POU6F2: variants seen among roughly 807,000 people sequenced by gnomAD.
The protein encoded by POU6F2 is POU class 6 homeobox 2.
In POU6F2, 31 loss-of-function variants were observed where a neutral mutation model predicts 71.3. The observed-to-expected ratio is 0.43, with a 90% CI of 0.33 to 0.59. POU6F2 has a LOEUF of 0.59. POU6F2 is among the 20% of genes least tolerant of loss of function. The pLI is 0.04. For synonymous variants in POU6F2, 347 were observed against 355.7 expected, an observed-to-expected ratio of 0.98 and a Z score of 0.27; for missense variants, 783 against 856.8, an observed-to-expected ratio of 0.91 and a Z score of 1.07.
At chr7:39,251,361 G>A (rs538051325) in intron 4 of POU6F2, among the ~76,000 whole-genome samples, 1 of 152,166 alleles carries the variant, frequency 6.6e-6, no homozygotes, top group Non-Finnish European at 1.5e-5. Flanking sequence ...ATAGTGAGCA[G>A]TGTTCTCTGA....
At chr7:39,220,508 C>T (rs899194536) in intron 4 of POU6F2, among the ~76,000 whole-genome samples, 2 of 152,212 alleles carry the variant, frequency 1.3e-5, no homozygotes, top group Non-Finnish European at 1.5e-5. Context: ...ACCGAAAACC[C>T]GAGCACCTGG....
chr7:39,427,788 G>A (rs892076936), intron 6 of POU6F2, among the ~76,000 whole-genome samples: 4 of 152,286 alleles, frequency 2.6e-5, no homozygotes, highest in East Asian at 1.9e-4. Flanking sequence ...TCAATTTGAC[G>A]TCTGCAATCA....
chr7:39,413,006 G>A (rs910191237), intron 6 of POU6F2, among the ~76,000 whole-genome samples: 14 of 150,126 alleles, frequency 9.3e-5, no homozygotes, highest in East Asian at 5.9e-4. Flanking sequence ...GGGTTTCACC[G>A]TGTTAGCCAG....
intron 1 of POU6F2, among the ~76,000 whole-genome samples, chr7:39,028,970 G>T (rs1442145211): frequency 6.6e-6 from 1 of 151,942 alleles, no homozygotes; most frequent in Admixed American, 6.6e-5. Flanking sequence ...TGGGACTATA[G>T]GCACAAGCCA....
intron 2 of POU6F2, among the ~76,000 whole-genome samples, chr7:39,122,624 G>C (rs138220639): frequency 6.6e-6 from 1 of 151,694 alleles, no homozygotes; most frequent in African/African-American, 2.4e-5. Context: ...TAGATTGACT[G>C]CTATCTTAAC....
intron 5 of POU6F2, among the ~76,000 whole-genome samples, chr7:39,383,117 T>C (rs1245152676): frequency 6.6e-6 from 1 of 152,240 alleles, no homozygotes; most frequent in Non-Finnish European, 1.5e-5. Context: ...ATTAGCATTG[T>C]AATCTCTGGG....
At position 39,467,308 on chromosome 7, in the gene POU6F2, A is replaced by G. The variant is rs1417393393; in HGVS notation, c.*2622A>G. 6.6e-6 allele frequency: 1 copy of G among 152,230 alleles called. No individual in the cohort carries two copies. Among genetic ancestry groups the G allele is most frequent in the East Asian group, 1.9e-4 (1 of 5,200 alleles). The allele number at this position is 152,230 out of a possible 1,614,324, so 9.4% of individuals were successfully genotyped here. On this transcript the variant is annotated 3_prime_UTR_variant, in exon 10 of 10. Coordinates refer to ENST00000518318, the MANE Select transcript of POU6F2 (RefSeq NM_001370959.1). ...GGTGCCTGAACCGATTCTTAGGAATATAAATTATACTGTGTAACTCATAAG... is the reference window on the plus strand; with the variant it reads ...GGTGCCTGAACCGATTCTTAGGAATGTAAATTATACTGTGTAACTCATAAG...
At chr7:39,363,687 G>A (rs1257045543) in intron 5 of POU6F2, among the ~76,000 whole-genome samples, 1 of 149,672 alleles carries the variant, frequency 6.7e-6, no homozygotes, top group Admixed American at 6.7e-5. Flanking sequence ...GAGGAAAAGG[G>A]GGCTCCTAGA....
At chr7:38,986,765 A>G (rs547743562) in intron 1 of POU6F2, among the ~76,000 whole-genome samples, 10 of 152,288 alleles carry the variant, frequency 6.6e-5, no homozygotes, top group Admixed American at 2.0e-4. Context: ...ACTCGCCACA[A>G]ATAACCACTG....
At chr7:39,224,099 A>G (rs1246997392) in intron 4 of POU6F2, among the ~76,000 whole-genome samples, 1 of 152,196 alleles carries the variant, frequency 6.6e-6, no homozygotes, top group African/African-American at 2.4e-5. Flanking sequence ...CTAGCCACAA[A>G]TAGAATGCAG....
At chr7:39,350,869 C>T (rs1583543937) in intron 5 of POU6F2, among the ~76,000 whole-genome samples, 2 of 152,362 alleles carry the variant, frequency 1.3e-5, no homozygotes, top group East Asian at 3.9e-4. Flanking sequence ...TGAGACCACG[C>T]CTGCGCTCCT....
At chr7:38,998,542 T>C (rs1249077089) in intron 1 of POU6F2, among the ~76,000 whole-genome samples, 3 of 152,176 alleles carry the variant, frequency 2.0e-5, no homozygotes, top group Non-Finnish European at 1.5e-5. Context: ...TAAATGCCAT[T>C]AGGAGATCTG....
chr7:39,021,522 A>G (rs1174214911), intron 1 of POU6F2, among the ~76,000 whole-genome samples: 2 of 152,016 alleles, frequency 1.3e-5, no homozygotes, highest in African/African-American at 2.4e-5. Context: ...ATTAAAAAAT[A>G]AAATTATCTA....
intron 4 of POU6F2, among the ~76,000 whole-genome samples, chr7:39,266,355 G>A (rs1784240454): frequency 2.0e-5 from 3 of 152,168 alleles, no homozygotes; most frequent in Non-Finnish European, 2.9e-5. Flanking sequence ...CAAGGATGTG[G>A]TAGTTGATCA....
At chr7:39,031,173 A>AG (rs1789934509) in intron 1 of POU6F2, among the ~76,000 whole-genome samples, 1 of 152,132 alleles carries the variant, frequency 6.6e-6, no homozygotes, top group Admixed American at 6.5e-5. Context: ...TGCTGGGATT[A>AG]CAGGCGTGAG....
intron 1 of POU6F2, among the ~76,000 whole-genome samples, chr7:39,015,000 C>A (rs1436868612): frequency 6.6e-6 from 1 of 152,010 alleles, no homozygotes; most frequent in African/African-American, 2.4e-5. Flanking sequence ...AAATGATCGT[C>A]TTCCTCCTCG....
intron 4 of POU6F2, among the ~76,000 whole-genome samples, chr7:39,291,422 G>C (rs551909650): frequency 6.6e-6 from 1 of 152,278 alleles, no homozygotes; most frequent in African/African-American, 2.4e-5. Context: ...ATGGCTTCCA[G>C]ATATTACATC....
intron 8 of POU6F2, among the ~76,000 whole-genome samples, chr7:39,458,133 A>G (rs1457569588): frequency 6.6e-6 from 1 of 151,558 alleles, no homozygotes; most frequent in African/African-American, 2.4e-5. Flanking sequence ...TCCCCCTCAG[A>G]ACCAATATCA....
chr7:39,071,803 AT>A, intron 1 of POU6F2, among the ~76,000 whole-genome samples: 1 of 152,300 alleles, frequency 6.6e-6, no homozygotes, highest in East Asian at 1.9e-4. Context: ...TTAAAAGTCT[AT>A]TGAGGTTGAC....
Sources: allele counts gnomAD v4.1 joint callset (sites outside exome capture counted in the v4.1 genomes callset), GRCh38; gene constraint gnomAD v4.1.1; transcripts MANE v1.5; gene names NCBI Gene and HGNC (gene_info 2026-07-23, HGNC 2026-07-21).